Variants in FGD5 observed in about 807,000 individuals in gnomAD.
The protein encoded by FGD5 is FYVE, RhoGEF and PH domain-containing protein 5.
FGD5 carries 28 observed loss-of-function variants against 133.4 expected under a neutral mutation model. The observed-to-expected ratio is 0.21, with a 90% CI of 0.16 to 0.29. The LOEUF (loss-of-function observed/expected upper bound fraction) is 0.29. Ranked by LOEUF, FGD5 falls within the 10% of genes least tolerant of loss-of-function variation. The pLI, the probability that FGD5 is intolerant of heterozygous loss-of-function variation, is 1.00. For synonymous variants in FGD5, 810 were observed against 776.5 expected, an observed-to-expected ratio of 1.04 and a Z score of -0.72; for missense variants, 1,858 against 1,895.2, an observed-to-expected ratio of 0.98 and a Z score of 0.36.
rs1315941662 is a variant in FGD5 at position 14,922,425 on chromosome 3, G to C, written c.3684G>C (p.Leu1228=). 5.1e-6 allele frequency: 8 copies of C among 1,568,374 alleles called. No individual in the cohort carries two copies. Among genetic ancestry groups the C allele is most frequent in the Non-Finnish European group, 6.9e-6 (8 of 1,156,604 alleles). ...TGTTGCTGCAGATACGAGAGAGGCT[G>C]GGGGTTAGCCTTGGGGAGAGGCCCC... ...FHHSVEIRER[L]GVSLGERPPT... The change falls in exon 15 of 20, where the codon CTG becomes CTC. Residue 1228 remains leucine (L), a synonymous_variant. Transcript: ENST00000285046. The surrounding 1 kb of genome is among the most constrained non-coding windows in gnomAD (Gnocchi z 4.1).
Position 14,820,204 on chromosome 3 carries a change from C to T in FGD5, c.1133C>T (p.Pro378Leu). 1 of 1,612,056 alleles carries T rather than the reference C, an allele frequency of 6.2e-7. No individual in the cohort carries two copies. The highest frequency in any genetic ancestry group is 8.5e-7 in the Non-Finnish European group (1 of 1,178,570). ...AAAGGTTTAGAATCAGAGCAGGCAC[C>T]AAAGCTGGGGCTGCGTGCGGAGGAG... is the stretch of plus-strand genomic sequence containing the variant. The part of the protein sequence containing the change: ...SAKGLESEQA[P>L]KLGLRAEENP... Residue 378 changes from proline (P) to leucine (L), a missense_variant, in exon 1 of 20, where the codon CCA becomes CTA. Transcript: ENST00000285046.
chr3:14,816,046 A>G (rs2036363489), upstream of FGD5, among the ~76,000 whole-genome samples: 1 of 152,232 alleles, frequency 6.6e-6, no homozygotes, highest in African/African-American at 2.4e-5. Flanking sequence ...TGCCATTCCC[A>G]GAGGCTCCTG....
intron 18 of FGD5, among the ~76,000 whole-genome samples, chr3:14,927,544 A>G (rs2038827536): frequency 6.0e-5 from 1 of 16,654 alleles, no homozygotes; most frequent in South Asian, 2.1e-3. Context: ...AGGAATTTAC[A>G]TAATTTCTCA....
chr3:14,869,693 A>G (rs4571232), intron 2 of FGD5, among the ~76,000 whole-genome samples: 103,588 of 151,836 alleles, frequency 0.68, 35,582 homozygotes, highest in African/African-American at 0.77. Flanking sequence ...ATCCTACAGT[A>G]TTTGCTCTTT....
chr3:14,913,669 TG>T (rs1297858036), intron 11 of FGD5, among the ~76,000 whole-genome samples: 2 of 152,188 alleles, frequency 1.3e-5, no homozygotes, highest in African/African-American at 4.8e-5. Flanking sequence ...CCTCTGGCCA[TG>T]CCCCTCTGAT....
intron 1 of FGD5, among the ~76,000 whole-genome samples, chr3:14,828,841 A>T (rs1239986760): frequency 7.0e-4 from 65 of 92,420 alleles, no homozygotes; most frequent in African/African-American, 2.4e-3. Context: ...TTTTTTTTTG[A>T]GATGGAGCCT....
chr3:14,862,677 G>T (rs977893924), intron 1 of FGD5, among the ~76,000 whole-genome samples: 5 of 152,240 alleles, frequency 3.3e-5, no homozygotes, highest in Non-Finnish European at 4.4e-5. Flanking sequence ...GAAGAAAGAG[G>T]TCTGACCAGA....
At chr3:14,852,784 C>G (rs2037191732) in intron 1 of FGD5, among the ~76,000 whole-genome samples, 2 of 152,140 alleles carry the variant, frequency 1.3e-5, no homozygotes, top group African/African-American at 4.8e-5. Flanking sequence ...ACAATGCTAT[C>G]CCTTGGCTGA....
intron 2 of FGD5, 53 bp downstream of exon 2, chr3:14,864,313 A>G (rs2037454840): frequency 6.2e-7 from 1 of 1,611,836 alleles, no homozygotes. Context: ...GGGTGGAGAG[A>G]TGGCTGTAAC....
intron 11 of FGD5, among the ~76,000 whole-genome samples, chr3:14,914,497 C>T (rs551238418): frequency 2.6e-5 from 4 of 152,188 alleles, no homozygotes; most frequent in Non-Finnish European, 5.9e-5. Context: ...TCCCGAAAGG[C>T]GAAGGAGACC....
chr3:14,819,146 G>A lies in FGD5; in HGVS notation c.75G>A (p.Val25=), dbSNP rs1559465945. Residue 25 remains valine (V), a synonymous_variant, in exon 1 of 20, where the codon GTG becomes GTA. Transcript: ENST00000285046. This position sits in a 1 kb window ranked among gnomAD's most constrained non-coding sequence, Gnocchi z 4.1. ...CCCCAAACGAGTGGAGAGCCAGTGT[G>A]TACCTGAATGACAGCTTGAACAAAT... is the stretch of plus-strand genomic sequence containing the variant. ...LTAPNEWRAS[V]YLNDSLNKCS... 3 of 1,551,428 alleles carry A rather than the reference G, an allele frequency of 1.9e-6. No homozygotes were observed. The highest frequency in any genetic ancestry group is 2.0e-5 in the Admixed American group (1 of 51,006).
At chr3:14,889,754 G>T (rs947312935) in intron 4 of FGD5, among the ~76,000 whole-genome samples, 1 of 152,138 alleles carries the variant, frequency 6.6e-6, no homozygotes, top group Non-Finnish European at 1.5e-5. Context: ...TTGTGTAGTG[G>T]TGTCTCCCTG....
chr3:14,862,839 T>C (rs2037424787), intron 1 of FGD5, among the ~76,000 whole-genome samples: 1 of 152,046 alleles, frequency 6.6e-6, no homozygotes, highest in African/African-American at 2.4e-5. Flanking sequence ...GTCCTTGCTC[T>C]GTCTGGCCCT....
chr3:14,897,699 C>T, intron 5 of FGD5, 30 bp downstream of exon 5: 3 of 1,566,460 alleles, frequency 1.9e-6, no homozygotes, highest in Non-Finnish European at 2.6e-6. Flanking sequence ...CCGGGTTCCA[C>T]TTTTGTTGCA....
chr3:14,867,614 C>T, intron 2 of FGD5, among the ~76,000 whole-genome samples: 1 of 152,022 alleles, frequency 6.6e-6, no homozygotes, highest in Non-Finnish European at 1.5e-5. Context: ...GTGCCCAGAG[C>T]TCCCCAACCA....
In FGD5 at chr3:14,924,095, C is replaced by T. The variant is rs369533231; in HGVS notation, c.4025C>T (p.Ser1342Leu). Reference protein sequence around the residue: ...FSSVFQSINPSTFKKQKKVPS... With the variant: ...FSSVFQSINPLTFKKQKKVPS... The stretch of plus-strand genomic sequence containing the variant: ...TCCGTCTTCCAGAGCATTAACCCCT[C>T]GACCTTCAAGAAGCAGAAGAAAGTC... The change falls in exon 17 of 20, where the codon TCG becomes TTG. Residue 1342 changes from serine to leucine, a missense_variant. By Grantham distance (145) the Ser-to-Leu change is moderately radical. Transcript: ENST00000285046. The T allele has an allele frequency of 1.7e-5, 28 of 1,613,874 alleles. No homozygotes were observed. Among genetic ancestry groups the T allele is most frequent in the South Asian group, 6.6e-5 (6 of 91,090 alleles).
chr3:14,861,008 T>C (rs1575214265), intron 1 of FGD5, among the ~76,000 whole-genome samples: 2 of 151,972 alleles, frequency 1.3e-5, no homozygotes, highest in African/African-American at 4.8e-5. Context: ...AAAAATACAG[T>C]GTTAAAAGAA....
chr3:14,917,401 TC>T lies in FGD5; in HGVS notation c.3489+71del. On this transcript the variant is annotated intron_variant, in intron 12 of 19. Coordinates refer to ENST00000285046, the MANE Select transcript of FGD5 (RefSeq NM_152536.4). The surrounding 1 kb of genome is among the most constrained non-coding windows in gnomAD (Gnocchi z 4.1). ...GACCCCAGGGGAGAAGGGGACAGCA[TC>T]CTGCTCCCAGGAGCACCCAGACCAG... is the stretch of plus-strand genomic sequence containing the variant. 2.1e-6 allele frequency: 3 copies of T among 1,431,832 alleles called. No homozygotes were observed. Among genetic ancestry groups the T allele is most frequent in the Non-Finnish European group, 2.9e-6 (3 of 1,035,910 alleles). 88.7% of individuals were successfully genotyped at this position (1,431,832 alleles called of 1,614,324 possible).
At chr3:14,824,191 CAG>C (rs1465158006) in intron 1 of FGD5, among the ~76,000 whole-genome samples, 1 of 152,228 alleles carries the variant, frequency 6.6e-6, no homozygotes, top group Non-Finnish European at 1.5e-5. Context: ...CTACATGAAA[CAG>C]ATGAAAGCAA....
Sources: allele counts gnomAD v4.1 joint callset (sites outside exome capture counted in the v4.1 genomes callset), GRCh38; gene constraint gnomAD v4.1.1; non-coding constraint Gnocchi (gnomAD v3.1); transcripts MANE v1.5; gene names NCBI Gene and HGNC (gene_info 2026-07-23, HGNC 2026-07-21).